Variants in ASIC2 observed in about 807,000 individuals in gnomAD.
ASIC2 encodes acid sensing ion channel subunit 2.
A neutral mutation model predicts 57.3 loss-of-function variants in ASIC2; 25 were observed. That is an observed-to-expected ratio of 0.44 (90% CI 0.32 to 0.61). The LOEUF (loss-of-function observed/expected upper bound fraction) is 0.61, where lower values mean the gene tolerates loss of function less well. ASIC2 is among the 20% of genes least tolerant of loss of function. The pLI, the probability that ASIC2 is intolerant of heterozygous loss-of-function variation, is 0.06. For missense variants in ASIC2, 641 were observed against 738.1 expected (o/e 0.87, Z 1.52); for synonymous variants, 319 against 307.5 (o/e 1.04, Z -0.39).
chr17:33,273,859 A>G (rs1402622828), intron 1 of ASIC2, among the ~76,000 whole-genome samples: 2 of 151,944 alleles, frequency 1.3e-5, no homozygotes, highest in Non-Finnish European at 2.9e-5. Flanking sequence ...GCAGAATGGG[A>G]GAAATGACTG....
intron 1 of ASIC2, among the ~76,000 whole-genome samples, chr17:33,951,920 C>G (rs891504657): frequency 7.9e-5 from 12 of 152,034 alleles, no homozygotes; most frequent in Non-Finnish European, 7.4e-5. Flanking sequence ...CTGAAAGAAC[C>G]CTTTTCTTTT....
intron 1 of ASIC2, among the ~76,000 whole-genome samples, chr17:33,754,145 G>T (rs1320483392): frequency 6.6e-6 from 1 of 152,074 alleles, no homozygotes; most frequent in African/African-American, 2.4e-5. Context: ...TGTTCTTTAT[G>T]GGGTAGGTTG....
chr17:33,441,235 C>T (rs1911813035), intron 1 of ASIC2, among the ~76,000 whole-genome samples: 1 of 152,104 alleles, frequency 6.6e-6, no homozygotes, highest in South Asian at 2.1e-4. Flanking sequence ...CTCAGCCTTT[C>T]CTGGGATTAC....
intron 1 of ASIC2, among the ~76,000 whole-genome samples, chr17:33,555,418 G>T (rs1915877983): frequency 3.0e-5 from 3 of 100,154 alleles, no homozygotes. Flanking sequence ...GGGGTGCAAA[G>T]TGAGACCCCC....
intron 1 of ASIC2, among the ~76,000 whole-genome samples, chr17:33,700,336 G>T (rs575318005): frequency 6.6e-6 from 1 of 152,232 alleles, no homozygotes; most frequent in East Asian, 1.9e-4. Flanking sequence ...CTTGGATTTG[G>T]TATTTACCTT....
intron 1 of ASIC2, among the ~76,000 whole-genome samples, chr17:33,763,405 A>G (rs1468285673): frequency 1.3e-5 from 2 of 152,190 alleles, no homozygotes; most frequent in African/African-American, 4.8e-5. Flanking sequence ...CCTGACCTTC[A>G]GGTCTTTCAG....
intron 1 of ASIC2, 194 bp downstream of exon 1, chr17:33,291,214 C>T: frequency 1.6e-6 from 2 of 1,266,556 alleles, no homozygotes; most frequent in Non-Finnish European, 2.1e-6. Context: ...GCGACTCCTC[C>T]TACAGTTAAG....
intron 1 of ASIC2, among the ~76,000 whole-genome samples, chr17:33,201,310 T>A (rs1381241424): frequency 6.6e-6 from 1 of 152,180 alleles, no homozygotes; most frequent in Admixed American, 6.5e-5. Context: ...AATGAACGAA[T>A]GTCTTCTTCA....
chr17:33,790,318 T>C (rs1001266075), intron 1 of ASIC2, among the ~76,000 whole-genome samples: 22 of 152,338 alleles, frequency 1.4e-4, no homozygotes, highest in African/African-American at 5.1e-4. Context: ...GACTGAGTCA[T>C]ATTTCTATTC....
At chr17:33,195,804 T>C (rs1034522547) in intron 1 of ASIC2, among the ~76,000 whole-genome samples, 1 of 152,134 alleles carries the variant, frequency 6.6e-6, no homozygotes, top group Non-Finnish European at 1.5e-5. Context: ...TCATTCTACC[T>C]CCAGAATGAC....
intron 3 of ASIC2, among the ~76,000 whole-genome samples, chr17:33,064,122 G>A (rs1162025905): frequency 1.3e-5 from 2 of 152,086 alleles, no homozygotes; most frequent in African/African-American, 2.4e-5. Context: ...CCTTTAGCTC[G>A]GAGAAGTTTG....
At chr17:33,051,555 A>T (rs1598253958) in intron 3 of ASIC2, among the ~76,000 whole-genome samples, 1 of 152,284 alleles carries the variant, frequency 6.6e-6, no homozygotes. Flanking sequence ...CAAGCACCTC[A>T]TCTGGGGACT....
At chr17:33,921,642 A>C (rs1443872108) in intron 1 of ASIC2, among the ~76,000 whole-genome samples, 1 of 152,094 alleles carries the variant, frequency 6.6e-6, no homozygotes, top group Non-Finnish European at 1.5e-5. Flanking sequence ...GTGCTGGTTA[A>C]TTTTGGAAAA....
intron 1 of ASIC2, among the ~76,000 whole-genome samples, chr17:33,836,470 C>T (rs977362541): frequency 1.3e-5 from 2 of 152,146 alleles, no homozygotes; most frequent in Non-Finnish European, 2.9e-5. Flanking sequence ...GCATGAGCCT[C>T]TGGGCCCAGC....
At chr17:33,598,924 G>A (rs986739129) in intron 1 of ASIC2, among the ~76,000 whole-genome samples, 1 of 152,304 alleles carries the variant, frequency 6.6e-6, no homozygotes, top group Non-Finnish European at 1.5e-5. Flanking sequence ...TGCCTATAGG[G>A]TATGCAGGAA....
intron 1 of ASIC2, among the ~76,000 whole-genome samples, chr17:33,670,830 T>C (rs1039802542): frequency 1.3e-5 from 2 of 152,240 alleles, no homozygotes; most frequent in African/African-American, 4.8e-5. Context: ...AGTTTATCAA[T>C]TTTATTTTCA....
chr17:33,073,686 G>A (rs757125040), intron 3 of ASIC2, among the ~76,000 whole-genome samples: 15 of 152,210 alleles, frequency 9.9e-5, no homozygotes, highest in Non-Finnish European at 1.5e-4. Context: ...TTACAGAGAC[G>A]TCCTCATGGC....
chr17:33,155,484 G>C (rs1317659520), intron 1 of ASIC2, among the ~76,000 whole-genome samples: 2 of 150,796 alleles, frequency 1.3e-5, no homozygotes. Context: ...TCCTAACATT[G>C]ATGATTGAGG....
At chr17:33,330,970 G>T (rs1174614051) in intron 1 of ASIC2, among the ~76,000 whole-genome samples, 4 of 152,122 alleles carry the variant, frequency 2.6e-5, no homozygotes, top group South Asian at 2.1e-4. Flanking sequence ...TAGACCAGGG[G>T]TCCCCAACCC....
Sources: allele counts gnomAD v4.1 joint callset (sites outside exome capture counted in the v4.1 genomes callset), GRCh38; gene constraint gnomAD v4.1.1; transcripts MANE v1.5; gene names NCBI Gene and HGNC (gene_info 2026-07-23, HGNC 2026-07-21).